Variants in TANC2 observed in about 807,000 individuals in gnomAD.
TANC2 encodes the protein protein TANC2.
Under a neutral mutation model 210.5 loss-of-function variants are expected in TANC2, and 26 were observed. That is an observed-to-expected ratio of 0.12 (90% CI 0.09 to 0.17). The LOEUF (loss-of-function observed/expected upper bound fraction) is 0.17, where lower values mean the gene tolerates loss of function less well. Among genes scored for constraint, TANC2 ranks in the 10% least tolerant of loss-of-function variants. The pLI is 1.00. For synonymous variants in TANC2, 931 were observed against 967.1 expected, an observed-to-expected ratio of 0.96 and a Z score of 0.69; for missense variants, 2,129 against 2,608.9, an observed-to-expected ratio of 0.82 and a Z score of 4.01.
intron 8 of TANC2, among the ~76,000 whole-genome samples, chr17:63,250,646 A>G (rs1157181746): frequency 6.6e-6 from 1 of 152,154 alleles, no homozygotes; most frequent in Non-Finnish European, 1.5e-5. Context: ...TGTGCATATA[A>G]TAATGGTTAT....
chr17:63,017,673 G>C (rs1470703433), intron 2 of TANC2, among the ~76,000 whole-genome samples: 2 of 152,114 alleles, frequency 1.3e-5, no homozygotes, highest in Non-Finnish European at 2.9e-5. Context: ...AAGGTTTTCT[G>C]TTCAGACTAG....
At chr17:62,998,237 T>A (rs1023180330) in intron 1 of TANC2, among the ~76,000 whole-genome samples, 10 of 152,074 alleles carry the variant, frequency 6.6e-5, no homozygotes, top group African/African-American at 2.4e-4. Flanking sequence ...TAAAGAAGAA[T>A]GAACAGAATC....
intron 5 of TANC2, among the ~76,000 whole-genome samples, chr17:63,160,965 T>C (rs1318084166): frequency 6.6e-6 from 1 of 152,242 alleles, no homozygotes; most frequent in African/African-American, 2.4e-5. Flanking sequence ...TATTTGATTT[T>C]GTTCACATGT....
intron 1 of TANC2, chr17:63,004,831 T>A (rs1460640694): frequency 3.2e-6 from 1 of 309,824 alleles, no homozygotes; most frequent in Non-Finnish European, 6.3e-6. Context: ...ACCAAGGGCC[T>A]TTTTTGGCTT....
intron 14 of TANC2, among the ~76,000 whole-genome samples, chr17:63,369,490 C>T (rs1303447569): frequency 6.6e-6 from 1 of 151,448 alleles, no homozygotes; most frequent in African/African-American, 2.4e-5. Flanking sequence ...AAGGACTCCT[C>T]TTCCTTTTTT....
chr17:63,124,449 TC>T (rs2038624676), intron 4 of TANC2, among the ~76,000 whole-genome samples: 1 of 152,192 alleles, frequency 6.6e-6, no homozygotes, highest in Non-Finnish European at 1.5e-5. Flanking sequence ...CCTTTTGCTC[TC>T]CTGAACTGTA....
exon 21 of TANC2, chr17:63,406,238 G>A (rs976637040): frequency 8.7e-6 from 14 of 1,613,816 alleles, no homozygotes; most frequent in Non-Finnish European, 1.2e-5. Context: ...GGCTGCTTCC[G>A]AAGGCCATCT....
intron 11 of TANC2, among the ~76,000 whole-genome samples, chr17:63,329,262 T>C (rs1445931083): frequency 2.6e-5 from 4 of 152,278 alleles, no homozygotes; most frequent in Non-Finnish European, 4.4e-5. Context: ...ATATCTCTTA[T>C]ATTTAAAGAA....
At chr17:63,207,343 G>T (rs1278422381) in intron 7 of TANC2, among the ~76,000 whole-genome samples, 1 of 150,356 alleles carries the variant, frequency 6.7e-6, no homozygotes. Context: ...AGCCTCCCGA[G>T]TAGCTGGGAC....
At chr17:63,384,441 G>A (rs34713872) in intron 15 of TANC2, among the ~76,000 whole-genome samples, 1 of 152,010 alleles carries the variant, frequency 6.6e-6, no homozygotes, top group Non-Finnish European at 1.5e-5. Context: ...ATAATCCTCA[G>A]AAGAGGGGCT....
chr17:63,099,210 C>G, exon 4 of TANC2: 1 of 1,604,994 alleles, frequency 6.2e-7, no homozygotes, highest in Non-Finnish European at 8.5e-7. Flanking sequence ...TGCTTTTGAG[C>G]CAGACTACGC....
chr17:63,187,155 T>G (rs2041018077), intron 5 of TANC2, among the ~76,000 whole-genome samples: 1 of 152,126 alleles, frequency 6.6e-6, no homozygotes, highest in South Asian at 2.1e-4. Flanking sequence ...AGAGGGGAGC[T>G]GGGGACTGAT....
Position 63,349,054 on chromosome 17 carries a change from AC to A in TANC2, c.1808-2195del, listed in dbSNP as rs567070901. ...TGCCCTCCTTACTTCCTAAGTGATG[AC>A]ATTTTTTTTGATACCTACATTAGTA... On this transcript the variant is annotated intron_variant, in intron 12 of 27. Coordinates refer to ENST00000689528, the Ensembl canonical transcript of TANC2. Among the ~76,000 whole-genome samples, 216 of 152,256 alleles carry A rather than the reference AC, an allele frequency of 1.4e-3. 1 individual carries two copies. Among genetic ancestry groups the A allele is most frequent in the Non-Finnish European group, 1.9e-3 (132 of 68,002 alleles).
intron 7 of TANC2, among the ~76,000 whole-genome samples, chr17:63,206,766 T>C (rs993312174): frequency 1.3e-5 from 2 of 152,170 alleles, no homozygotes; most frequent in Admixed American, 6.5e-5. Flanking sequence ...AGAATTTCAG[T>C]TGGGGATGAT....
intron 9 of TANC2, among the ~76,000 whole-genome samples, chr17:63,268,702 T>C (rs1250281307): frequency 1.3e-5 from 2 of 152,190 alleles, no homozygotes; most frequent in Non-Finnish European, 2.9e-5. Context: ...TAGCAAGAGC[T>C]ACACAACCTA....
intron 7 of TANC2, among the ~76,000 whole-genome samples, chr17:63,237,067 G>A (rs1598670723): frequency 6.6e-6 from 1 of 152,054 alleles, no homozygotes; most frequent in Non-Finnish European, 1.5e-5. Context: ...AGAAATCTCT[G>A]TATTTTCCTT....
intron 4 of TANC2, among the ~76,000 whole-genome samples, chr17:63,115,054 T>C (rs1467765727): frequency 6.6e-6 from 1 of 152,224 alleles, no homozygotes; most frequent in Non-Finnish European, 1.5e-5. Context: ...CTGCTCAACA[T>C]GACTTGATGA....
rs999450992 is a variant in TANC2, at chr17:63,110,473, T to C, written c.322+11116T>C. 2.6e-4 allele frequency among the ~76,000 whole-genome samples: 39 copies of C among 151,782 alleles called. 3 individuals carry two copies. Among genetic ancestry groups the C allele is most frequent in the African/African-American group, 9.2e-4 (38 of 41,084 alleles). On this transcript the variant is annotated intron_variant, in intron 4 of 27. Coordinates refer to ENST00000689528, the Ensembl canonical transcript of TANC2. Reference sequence around the variant, plus strand: ...CTGGGTAATTCATAAAGAACAGAAATCTATTTTCTCACAGTTCTGGTGGCT... The same window carrying C: ...CTGGGTAATTCATAAAGAACAGAAACCTATTTTCTCACAGTTCTGGTGGCT...
At chr17:63,154,051 A>T (rs1186869679) in intron 5 of TANC2, 1 of 152,176 alleles carries the variant, frequency 6.6e-6, no homozygotes, top group African/African-American at 2.4e-5. Context: ...TTAAAGGTTT[A>T]CTGTTCCTCA....
Sources: gnomAD v4.1 joint callset for allele counts (sites outside exome capture counted in the v4.1 genomes callset) on GRCh38, gnomAD v4.1.1 for gene constraint, MANE v1.5 for transcripts, NCBI Gene and HGNC (gene_info 2026-07-23, HGNC 2026-07-21) for gene names.